Variants in CLCN5 observed in about 807,000 individuals in gnomAD.
The protein encoded by CLCN5 is Cl-/H+ antiporter 5.
A neutral mutation model predicts 54.0 loss-of-function variants in CLCN5; 17 were observed. The observed-to-expected ratio is 0.31, with a 90% CI of 0.22 to 0.47. The LOEUF is 0.47. Among genes scored for constraint, CLCN5 ranks in the 20% least tolerant of loss-of-function variants. The pLI, the probability that CLCN5 is intolerant of heterozygous loss-of-function variation, is 1.00. For synonymous variants in CLCN5, 222 were observed against 233.0 expected, an observed-to-expected ratio of 0.95 and a Z score of 0.43; for missense variants, 448 against 646.7, an observed-to-expected ratio of 0.69 and a Z score of 3.33.
intron 3 of CLCN5, among the ~76,000 whole-genome samples, chrX:49,970,991 G>A (rs782165313): frequency 1.8e-5 from 2 of 110,136 alleles, no homozygotes; most frequent in East Asian, 5.6e-4. Context: ...GTGTTCTGGA[G>A]TTTTTGCAGT....
At chrX:50,037,179 T>G (rs1557186615) in intron 3 of CLCN5, among the ~76,000 whole-genome samples, 3 of 112,177 alleles carry the variant, frequency 2.7e-5, no homozygotes, top group Non-Finnish European at 5.6e-5. Flanking sequence ...TCTATTGGAG[T>G]TCTTGGTAAT....
At chrX:49,986,885 A>G (rs1602014773) in intron 3 of CLCN5, among the ~76,000 whole-genome samples, 3 of 112,089 alleles carry the variant, frequency 2.7e-5, no homozygotes, top group African/African-American at 9.7e-5. Context: ...TTTTTAAGGA[A>G]CACATAGAAA....
intron 3 of CLCN5, among the ~76,000 whole-genome samples, chrX:50,019,347 G>A (rs1387906029): frequency 9.2e-6 from 1 of 109,205 alleles, no homozygotes; most frequent in Non-Finnish European, 1.9e-5. Flanking sequence ...ATATTTGTGG[G>A]GTACACAGTG....
intron 3 of CLCN5, chrX:50,009,860 T>C (rs1557182243): frequency 2.7e-6 from 1 of 368,242 alleles, no homozygotes; most frequent in Non-Finnish European, 5.5e-6. Flanking sequence ...TGCTTGCTGC[T>C]TGCCTGCCTG....
At chrX:50,026,034 C>G (rs782044814) in intron 3 of CLCN5, among the ~76,000 whole-genome samples, 1 of 112,169 alleles carries the variant, frequency 8.9e-6, no homozygotes, top group South Asian at 3.7e-4. Context: ...AAATATCCCT[C>G]TAAGCACTGG....
intron 3 of CLCN5, among the ~76,000 whole-genome samples, chrX:49,934,017 C>T (rs1471880725): frequency 5.4e-5 from 6 of 111,275 alleles, no homozygotes; most frequent in African/African-American, 1.3e-4. Context: ...GCTGTCACAT[C>T]GTACCCAAAG....
At chrX:50,016,983 A>G (rs1039457638) in intron 3 of CLCN5, among the ~76,000 whole-genome samples, 1 of 111,136 alleles carries the variant, frequency 9.0e-6, no homozygotes, top group Non-Finnish European at 1.9e-5. Flanking sequence ...TTATCACTGC[A>G]TAGTATTCCA....
At chrX:49,944,588 G>T (rs1293060919) in intron 3 of CLCN5, among the ~76,000 whole-genome samples, 9 of 111,027 alleles carry the variant, frequency 8.1e-5, no homozygotes, top group Admixed American at 4.8e-4. Flanking sequence ...CATCAATACC[G>T]AATTTATTGA....
intron 14 of CLCN5, among the ~76,000 whole-genome samples, chrX:50,091,726 A>C (rs1934106118): frequency 8.9e-6 from 1 of 112,092 alleles, no homozygotes; most frequent in Non-Finnish European, 1.9e-5. Flanking sequence ...AATAGCAAAG[A>C]GGACAAGTGC....
chrX:49,926,251 CATTT>C (rs1312781600), intron 3 of CLCN5, among the ~76,000 whole-genome samples: 1 of 112,327 alleles, frequency 8.9e-6, no homozygotes, highest in Non-Finnish European at 1.9e-5. Flanking sequence ...AATGAGAAGA[CATTT>C]ATGGAAACGG....
intron 4 of CLCN5, among the ~76,000 whole-genome samples, chrX:50,066,331 A>G (rs1557190875): frequency 9.0e-6 from 1 of 111,552 alleles, no homozygotes; most frequent in East Asian, 2.8e-4. Context: ...ATGCTAGATT[A>G]GTTCATCAAG....
chrX:50,000,302 C>T (rs1329264845), intron 3 of CLCN5, among the ~76,000 whole-genome samples: 3 of 110,152 alleles, frequency 2.7e-5, no homozygotes, highest in African/African-American at 9.9e-5. Flanking sequence ...CTACCCCACG[C>T]ATGGCTTAAC....
At chrX:50,065,730 T>C (rs1202741163) in intron 4 of CLCN5, among the ~76,000 whole-genome samples, 1 of 106,131 alleles carries the variant, frequency 9.4e-6, no homozygotes, top group Non-Finnish European at 1.9e-5. Flanking sequence ...CATTGCGGCA[T>C]TATTCACAAT....
chrX:50,001,505 G>A (rs1052894219), intron 3 of CLCN5, among the ~76,000 whole-genome samples: 4 of 107,901 alleles, frequency 3.7e-5, no homozygotes, highest in African/African-American at 1.4e-4. Flanking sequence ...TAGGGTACAT[G>A]TGCACAACAT....
At chrX:50,019,468 CTTTTTTTTTTTT>C (rs1175073117) in intron 3 of CLCN5, among the ~76,000 whole-genome samples, 2 of 47,690 alleles carry the variant, frequency 4.2e-5, no homozygotes, top group South Asian at 1.4e-3. Context: ...TTTTTTTTTT[CTTTTTTTTTTTT>C]TTTTTTTTTA....
At chrX:50,057,886 A>G (rs1397809943) in intron 4 of CLCN5, among the ~76,000 whole-genome samples, 1 of 110,840 alleles carries the variant, frequency 9.0e-6, no homozygotes, top group Non-Finnish European at 1.9e-5. Context: ...TGGGATGTGA[A>G]AGAGTTTATG....
chrX:50,057,401 C>G (rs782611900), intron 4 of CLCN5, among the ~76,000 whole-genome samples: 1,268 of 75,277 alleles, frequency 0.017, 50 homozygotes, highest in African/African-American at 0.064. Flanking sequence ...ATCCAGGACT[C>G]TCCTGGATAG....
At chrX:49,966,492 T>G (rs1387362805) in intron 3 of CLCN5, among the ~76,000 whole-genome samples, 6 of 108,599 alleles carry the variant, frequency 5.5e-5, no homozygotes, top group Non-Finnish European at 9.6e-5. Context: ...TTTATGGATC[T>G]TCTCAAAGAA....
In CLCN5 at chrX:50,097,872, ATTAC is replaced by A. The variant is rs1293797533; in HGVS notation, c.*5659_*5662del. Reference sequence around the variant, plus strand: ...TATGAAGTATTTACTGCTAAACTATATTACTTACTAGTACAAATCTGTTGGAATT... The same window carrying A: ...TATGAAGTATTTACTGCTAAACTATATTACTAGTACAAATCTGTTGGAATT... On this transcript the variant is annotated 3_prime_UTR_variant, in exon 15 of 15. Coordinates refer to ENST00000376091, the MANE Select transcript of CLCN5 (RefSeq NM_001127898.4). The A allele has an allele frequency of 7.1e-5, 8 of 112,453 alleles. No homozygotes were observed. Among genetic ancestry groups the A allele is most frequent in the Non-Finnish European group, 1.3e-4 (7 of 53,266 alleles). 9.3% of individuals were successfully genotyped at this position (112,453 alleles called of 1,213,427 possible). A position where few individuals can be genotyped will look rare whatever the true frequency, so the allele number is the denominator to read the frequency against.
Sources: allele counts gnomAD v4.1 joint callset (sites outside exome capture counted in the v4.1 genomes callset), GRCh38; gene constraint gnomAD v4.1.1; transcripts MANE v1.5; gene names NCBI Gene and HGNC (gene_info 2026-07-23, HGNC 2026-07-21).